EPHA6: variants seen among roughly 807,000 people sequenced by gnomAD.
EPHA6 encodes ephrin type-A receptor 6.
A neutral mutation model predicts 112.0 loss-of-function variants in EPHA6; 50 were observed. That is an observed-to-expected ratio of 0.45 (90% CI 0.36 to 0.56). EPHA6 has a LOEUF of 0.56. Ranked by LOEUF, EPHA6 falls within the 20% of genes least tolerant of loss-of-function variation. The probability of loss-of-function intolerance (pLI) is 0.00; values close to 1 mark genes in which losing one functional copy is unlikely to be tolerated. For synonymous variants in EPHA6, 529 were observed against 490.7 expected (o/e 1.08, Z -1.03); for missense variants, 1,280 against 1,417.4 (o/e 0.90, Z 1.56).
At chr3:97,308,926 C>T (rs2081433381) in intron 5 of EPHA6, among the ~76,000 whole-genome samples, 1 of 151,738 alleles carries the variant, frequency 6.6e-6, no homozygotes, top group Non-Finnish European at 1.5e-5. Flanking sequence ...AAATAAATCA[C>T]AGCATATGTG....
chr3:97,340,092 T>C (rs2083234159), intron 5 of EPHA6, among the ~76,000 whole-genome samples: 1 of 152,254 alleles, frequency 6.6e-6, no homozygotes, highest in Non-Finnish European at 1.5e-5. Context: ...TGGATATTTA[T>C]AGTCTATTAA....
intron 2 of EPHA6, among the ~76,000 whole-genome samples, chr3:96,969,588 G>A (rs954403313): frequency 8.6e-5 from 13 of 151,876 alleles, no homozygotes; most frequent in African/African-American, 2.7e-4. Context: ...ACCTAATAAG[G>A]TATGTACAGA....
chr3:97,710,334 A>C (rs2033901598), intron 14 of EPHA6, among the ~76,000 whole-genome samples: 1 of 152,214 alleles, frequency 6.6e-6, no homozygotes, highest in Non-Finnish European at 1.5e-5. Flanking sequence ...CTTTCTGACA[A>C]TGGTAATTTA....
chr3:96,822,520 C>T (rs773986160), intron 1 of EPHA6, among the ~76,000 whole-genome samples: 9 of 151,708 alleles, frequency 5.9e-5, no homozygotes, highest in Non-Finnish European at 1.2e-4. Flanking sequence ...TATTTTACTT[C>T]GTAACTTCAA....
At position 97,289,770 on chromosome 3, in the gene EPHA6, T is replaced by A. The variant is rs140267824; in HGVS notation, c.1606+45483T>A. ...TTTTTTGTAGTTCTGCTTGTAGAGATCTTTCACCTCCTTGGTTACCTGTAT... is the reference window on the plus strand; with the variant it reads ...TTTTTTGTAGTTCTGCTTGTAGAGAACTTTCACCTCCTTGGTTACCTGTAT... On this transcript the variant is annotated intron_variant, in intron 5 of 17. Transcript: ENST00000389672. Among the ~76,000 whole-genome samples the A allele has an allele frequency of 3.7e-3, 567 of 152,210 alleles. 2 individuals are homozygous for A. Among genetic ancestry groups the A allele is most frequent in the South Asian group, 0.012 (60 of 4,828 alleles).
intron 5 of EPHA6, among the ~76,000 whole-genome samples, chr3:97,252,681 T>C (rs1407723509): frequency 1.3e-5 from 2 of 152,096 alleles, no homozygotes; most frequent in Non-Finnish European, 2.9e-5. Flanking sequence ...ACGCATCCTG[T>C]GGATATGGTG....
chr3:97,642,852 T>C (rs1361833157), intron 14 of EPHA6, among the ~76,000 whole-genome samples: 2 of 142,556 alleles, frequency 1.4e-5, no homozygotes, highest in Non-Finnish European at 3.0e-5. Flanking sequence ...TGGAACCAAG[T>C]TGGAAAACAC....
At chr3:97,322,132 A>T (rs2082149653) in intron 5 of EPHA6, among the ~76,000 whole-genome samples, 1 of 152,080 alleles carries the variant, frequency 6.6e-6, no homozygotes, top group Admixed American at 6.6e-5. Context: ...AACTGAGATG[A>T]TCCATATACA....
chr3:97,278,200 G>A (rs2080162165), intron 5 of EPHA6, among the ~76,000 whole-genome samples: 1 of 152,134 alleles, frequency 6.6e-6, no homozygotes, highest in Non-Finnish European at 1.5e-5. Context: ...CAAATATGGT[G>A]AAAATTAAAA....
At chr3:97,336,774 C>A (rs1300927873) in intron 5 of EPHA6, among the ~76,000 whole-genome samples, 2 of 152,068 alleles carry the variant, frequency 1.3e-5, no homozygotes, top group Non-Finnish European at 2.9e-5. Context: ...TCTCTTACTA[C>A]ATGAGCTACA....
At chr3:97,235,173 C>G (rs2078645136) in intron 4 of EPHA6, among the ~76,000 whole-genome samples, 1 of 152,040 alleles carries the variant, frequency 6.6e-6, no homozygotes, top group Non-Finnish European at 1.5e-5. Context: ...TTATATCATT[C>G]TTAGAAAATA....
At chr3:97,065,736 A>G (rs987010087) in intron 3 of EPHA6, among the ~76,000 whole-genome samples, 7 of 152,236 alleles carry the variant, frequency 4.6e-5, no homozygotes, top group Admixed American at 3.3e-4. Context: ...TATGTCATAC[A>G]TGAGCCAACA....
chr3:97,457,934 A>G (rs935163553), intron 7 of EPHA6, among the ~76,000 whole-genome samples: 4 of 151,778 alleles, frequency 2.6e-5, no homozygotes, highest in Non-Finnish European at 4.4e-5. Context: ...CAGGCGTGGT[A>G]GCGGGCGCCA....
intron 10 of EPHA6, among the ~76,000 whole-genome samples, chr3:97,494,235 A>T (rs549667004): frequency 6.6e-6 from 1 of 152,300 alleles, no homozygotes; most frequent in Admixed American, 6.5e-5. Flanking sequence ...TTTATCCGGA[A>T]ATAATATTTG....
At chr3:97,576,073 G>T (rs897213634) in intron 11 of EPHA6, among the ~76,000 whole-genome samples, 3 of 152,082 alleles carry the variant, frequency 2.0e-5, no homozygotes, top group African/African-American at 7.2e-5. Context: ...GAGTGAAGGG[G>T]TAGGCTAAGG....
intron 3 of EPHA6, among the ~76,000 whole-genome samples, chr3:97,146,913 T>C (rs2076056395): frequency 6.6e-6 from 1 of 150,860 alleles, no homozygotes; most frequent in South Asian, 2.1e-4. Flanking sequence ...GTGATGTAAA[T>C]TGCTCTTTTA....
chr3:97,439,432 A>AC (rs1406205677), intron 6 of EPHA6, among the ~76,000 whole-genome samples: 1 of 152,162 alleles, frequency 6.6e-6, no homozygotes, highest in Non-Finnish European at 1.5e-5. Context: ...AGAGCACCTT[A>AC]CCCACTAGCT....
intron 3 of EPHA6, among the ~76,000 whole-genome samples, chr3:97,173,295 T>G (rs746699471): frequency 1.3e-5 from 2 of 151,942 alleles, no homozygotes; most frequent in Non-Finnish European, 2.9e-5. Context: ...TTTTAAGACA[T>G]TTAAACAAAT....
At chr3:97,335,120 C>T (rs2082995609) in intron 5 of EPHA6, among the ~76,000 whole-genome samples, 1 of 152,090 alleles carries the variant, frequency 6.6e-6, no homozygotes, top group South Asian at 2.1e-4. Flanking sequence ...GACCTAACTC[C>T]CATTGAGACG....
Sources: gnomAD v4.1 joint callset for allele counts (sites outside exome capture counted in the v4.1 genomes callset) on GRCh38, gnomAD v4.1.1 for gene constraint, MANE v1.5 for transcripts, NCBI Gene and HGNC (gene_info 2026-07-23, HGNC 2026-07-21) for gene names.